The following PPM1H variants were observed in gnomAD, a reference collection of about 807,000 sequenced individuals.
PPM1H encodes protein phosphatase, Mg2+/Mn2+ dependent 1H, also known as protein phosphatase 1H.
PPM1H carries 27 observed loss-of-function variants against 54.9 expected under a neutral mutation model. That is an observed-to-expected ratio of 0.49 (90% CI 0.36 to 0.68). The LOEUF (loss-of-function observed/expected upper bound fraction) is 0.68, where lower values mean the gene tolerates loss of function less well. PPM1H is among the 30% of genes least tolerant of loss of function. PPM1H has a pLI of 0.00. For missense variants in PPM1H, 596 were observed against 667.8 expected (o/e 0.89, Z 1.19); for synonymous variants, 305 against 270.8 (o/e 1.13, Z -1.24).
At chr12:62,925,407 G>A (rs567482804) in intron 1 of PPM1H, among the ~76,000 whole-genome samples, 7 of 152,016 alleles carry the variant, frequency 4.6e-5, no homozygotes, top group African/African-American at 9.6e-5. Flanking sequence ...GAGGAAACTC[G>A]TCCCTACTAA....
chr12:62,763,555 C>A (rs547223882), intron 4 of PPM1H, among the ~76,000 whole-genome samples: 1 of 152,214 alleles, frequency 6.6e-6, no homozygotes, highest in African/African-American at 2.4e-5. Flanking sequence ...TGCCAGTCCT[C>A]GGCTCATTTC....
chr12:62,752,805 A>T (rs547061506), intron 4 of PPM1H, among the ~76,000 whole-genome samples: 9 of 152,314 alleles, frequency 5.9e-5, no homozygotes, highest in East Asian at 1.9e-4. Context: ...TACATAATTT[A>T]AAAAAATTAT....
chr12:62,687,674 C>T (rs1178056897), intron 8 of PPM1H, among the ~76,000 whole-genome samples: 2 of 151,644 alleles, frequency 1.3e-5, no homozygotes, highest in East Asian at 3.9e-4. Flanking sequence ...AGAGTTATGT[C>T]TAAATGTTCT....
intron 8 of PPM1H, among the ~76,000 whole-genome samples, chr12:62,676,578 A>G (rs536524607): frequency 3.7e-4 from 57 of 152,286 alleles, no homozygotes; most frequent in African/African-American, 1.3e-3. Flanking sequence ...CTCAGCTCCC[A>G]GTGCCTACTC....
intron 8 of PPM1H, among the ~76,000 whole-genome samples, chr12:62,682,664 C>T (rs533848483): frequency 3.3e-5 from 5 of 152,172 alleles, no homozygotes; most frequent in Non-Finnish European, 5.9e-5. Context: ...CCACTATGCC[C>T]GGATAATTTT....
chr12:62,882,771 A>G (rs1433854625), intron 1 of PPM1H, among the ~76,000 whole-genome samples: 2 of 152,248 alleles, frequency 1.3e-5, no homozygotes, highest in Non-Finnish European at 2.9e-5. Flanking sequence ...CAGAAATGCA[A>G]GTCTGATGTC....
In PPM1H at chr12:62,844,925, A is replaced by G. The variant is rs1056572303; in HGVS notation, c.246-12646T>C. 5.3e-5 allele frequency among the ~76,000 whole-genome samples: 8 copies of G among 152,214 alleles called. No individual in the cohort carries two copies. The highest frequency in any genetic ancestry group is 1.9e-4 in the African/African-American group (8 of 41,454). On this transcript the variant is annotated intron_variant, in intron 1 of 9. Coordinates refer to ENST00000228705, the MANE Select transcript of PPM1H (RefSeq NM_020700.2). The surrounding 1 kb of genome is among the most constrained non-coding windows in gnomAD (Gnocchi z 5.2). ...TTAATTATAAGCACTTCTACTAGGA[A>G]ATGAGCTTGGGAGTAGGATATGTTA...
intron 8 of PPM1H, among the ~76,000 whole-genome samples, chr12:62,676,627 C>T (rs758157397): frequency 5.3e-5 from 8 of 152,148 alleles, no homozygotes; most frequent in Non-Finnish European, 7.3e-5. Flanking sequence ...TGGTCACTGT[C>T]GTGACCCGGC....
At chr12:62,787,639 G>C (rs2076680791) in intron 4 of PPM1H, among the ~76,000 whole-genome samples, 1 of 152,182 alleles carries the variant, frequency 6.6e-6, no homozygotes, top group Admixed American at 6.5e-5. Flanking sequence ...GGGCAACATA[G>C]TGAGACCCTG....
rs778484441 is a variant in PPM1H at position 62,934,659 on chromosome 12, G to A, written c.78C>T (p.Gly26=). The change falls in exon 1 of 10, where the codon GGC becomes GGT. Residue 26 remains glycine, a synonymous_variant. Coordinates refer to ENST00000228705, the MANE Select transcript of PPM1H (RefSeq NM_020700.2). This position sits in a 1 kb window ranked among gnomAD's most constrained non-coding sequence, Gnocchi z 4.2. ...IMAGSSGSEH[G]GGSCGGSDLP... ...GGTCCGAGCCTCCGCAGCTGCCGCC[G>A]CCGTGCTCGGAGCCTGAGCTGCCAG... is the stretch of plus-strand genomic sequence containing the variant. 5.6e-6 allele frequency: 9 copies of A among 1,599,830 alleles called. No individual in the cohort carries two copies. The South Asian group carries it at 7.9e-5, about 14-fold the overall frequency.
intron 9 of PPM1H, among the ~76,000 whole-genome samples, chr12:62,665,246 G>A (rs570342772): frequency 3.9e-5 from 6 of 152,088 alleles, no homozygotes; most frequent in South Asian, 2.1e-4. Context: ...TGGGAGTTTC[G>A]CCATGTTGGC....
At chr12:62,839,884 A>AAAAAAACAAAAAAAAC (rs1555200473) in intron 1 of PPM1H, among the ~76,000 whole-genome samples, 57 of 150,274 alleles carry the variant, frequency 3.8e-4, no homozygotes, top group African/African-American at 1.3e-3. Flanking sequence ...CAAAAAAAAA[A>AAAAAAACAAAAAAAAC]AAAAAACACC....
At chr12:62,924,653 A>G (rs1871916874) in intron 1 of PPM1H, among the ~76,000 whole-genome samples, 1 of 152,200 alleles carries the variant, frequency 6.6e-6, no homozygotes, top group African/African-American at 2.4e-5. Context: ...AACAGAATAC[A>G]TTTTCTTTGT....
At chr12:62,653,000 T>A (rs1029255975) in intron 9 of PPM1H, among the ~76,000 whole-genome samples, 1 of 152,250 alleles carries the variant, frequency 6.6e-6, no homozygotes, top group Non-Finnish European at 1.5e-5. Context: ...GATAGCTTTA[T>A]TGTTATGCAA....
chr12:62,803,387 A>T lies in PPM1H; in HGVS notation c.412-1227T>A, dbSNP rs140478648. ...TGATAGAATAGAGAGCTCAGAAATA[A>T]ACCCACACATATGTTGTCAACTAAT... On this transcript the variant is annotated intron_variant, in intron 2 of 9. Coordinates refer to ENST00000228705, the MANE Select transcript of PPM1H (RefSeq NM_020700.2). 2.6e-3 allele frequency among the ~76,000 whole-genome samples: 403 copies of T among 152,332 alleles called. 2 individuals carry two copies. Among genetic ancestry groups the T allele is most frequent in the African/African-American group, 9.2e-3 (381 of 41,578 alleles).
rs1295258267 is a variant in PPM1H at position 62,647,359 on chromosome 12, C to T, written c.*1130G>A. ...CACAAAGATGATGGGGAGAGCAGAA[C>T]TGCTGCTCCTTGACAGAACTCTGAT... On this transcript the variant is annotated 3_prime_UTR_variant, in exon 10 of 10. Transcript: ENST00000228705. The T allele has an allele frequency of 6.6e-6, 1 of 152,206 alleles. No homozygotes were observed. Among genetic ancestry groups the T allele is most frequent in the African/African-American group, 2.4e-5 (1 of 41,452 alleles). 9.4% of individuals were successfully genotyped at this position (152,206 alleles called of 1,614,324 possible).
intron 9 of PPM1H, among the ~76,000 whole-genome samples, chr12:62,665,025 G>T (rs552576428): frequency 1.3e-5 from 2 of 151,114 alleles, no homozygotes; most frequent in East Asian, 3.9e-4. Flanking sequence ...TTTTTGGAAG[G>T]CAAAGGGGTT....
intron 1 of PPM1H, among the ~76,000 whole-genome samples, chr12:62,869,832 AG>A (rs1443386350): frequency 1.3e-5 from 2 of 152,110 alleles, no homozygotes; most frequent in African/African-American, 4.8e-5. Context: ...TTTAACTTCA[AG>A]GCCTTCAAAC....
intron 9 of PPM1H, among the ~76,000 whole-genome samples, chr12:62,652,777 C>A (rs2075823322): frequency 6.6e-6 from 1 of 151,296 alleles, no homozygotes; most frequent in Non-Finnish European, 1.5e-5. Flanking sequence ...TTTTTTGAGC[C>A]TGCCTTAATC....
Sources: gnomAD v4.1 joint callset for allele counts (sites outside exome capture counted in the v4.1 genomes callset) on GRCh38, gnomAD v4.1.1 for gene constraint, Gnocchi (gnomAD v3.1) non-coding constraint, MANE v1.5 for transcripts, NCBI Gene and HGNC (gene_info 2026-07-23, HGNC 2026-07-21) for gene names.